The following ULK2 variants were observed in gnomAD, a reference collection of about 807,000 sequenced individuals.
ULK2 encodes serine/threonine-protein kinase ULK2.
ULK2 carries 76 observed loss-of-function variants against 127.5 expected under a neutral mutation model. The observed-to-expected ratio is 0.60, with a 90% CI of 0.50 to 0.72. The LOEUF is 0.72. ULK2 is among the 30% of genes least tolerant of loss of function. The pLI is 0.00. For missense variants in ULK2, 1,144 were observed against 1,295.9 expected (o/e 0.88, Z 1.80); for synonymous variants, 452 against 461.9 (o/e 0.98, Z 0.28).
intron 10 of ULK2, among the ~76,000 whole-genome samples, chr17:19,837,589 T>C (rs1295905133): frequency 2.6e-5 from 4 of 152,188 alleles, no homozygotes; most frequent in African/African-American, 7.2e-5. Context: ...CTTGTCCCCA[T>C]AGCCTGCTCT....
rs1165432917 is a variant in ULK2 at position 19,867,209 on chromosome 17, T to C, written c.90+119A>G. On this transcript the variant is annotated intron_variant, in intron 1 of 26. Coordinates refer to ENST00000395544, the MANE Select transcript of ULK2 (RefSeq NM_014683.4). ...ACGGCGAGACGGGCTGCGCGCACAATAGCATACCCGGGCGGCTAGCCGAGT... is the reference window on the plus strand; with the variant it reads ...ACGGCGAGACGGGCTGCGCGCACAACAGCATACCCGGGCGGCTAGCCGAGT... 2.2e-5 allele frequency: 16 copies of C among 722,014 alleles called. No homozygotes were observed. The Admixed American group carries it at 3.9e-4, about 17-fold the overall frequency. 44.7% of individuals were successfully genotyped at this position (722,014 alleles called of 1,614,324 possible). A position where few individuals can be genotyped will look rare whatever the true frequency, so the allele number is the denominator to read the frequency against.
intron 25 of ULK2, 48 bp downstream of exon 25, chr17:19,780,424 C>A (rs770968992): frequency 2.0e-5 from 29 of 1,478,772 alleles, no homozygotes; most frequent in Non-Finnish European, 2.6e-5. Context: ...TAAAAAGACA[C>A]TTAAAGATAA....
At chr17:19,795,493 G>C (rs166841) in intron 20 of ULK2, 129 bp downstream of exon 20, 1 of 789,598 alleles carries the variant, frequency 1.3e-6, no homozygotes, top group Non-Finnish European at 2.1e-6. Flanking sequence ...ATGGCATCCA[G>C]AACTATGAAA....
At position 19,780,459 on chromosome 17, in the gene ULK2, T is replaced by C. The variant is rs2086895316; in HGVS notation, c.2916+13A>G. On this transcript the variant is annotated intron_variant, in intron 25 of 26. Transcript: ENST00000395544. ...AGTAGTACTATACAATATTAAACCT[T>C]AGAAAGGGTTACCATTTCTACAGCA... 2 of 1,604,146 alleles carry C rather than the reference T, an allele frequency of 1.2e-6. No individual in the cohort carries two copies. Among genetic ancestry groups the C allele is most frequent in the Non-Finnish European group, 1.7e-6 (2 of 1,176,124 alleles).
chr17:19,812,935 A>G (rs2087675147), intron 13 of ULK2, among the ~76,000 whole-genome samples: 1 of 152,228 alleles, frequency 6.6e-6, no homozygotes, highest in South Asian at 2.1e-4. Flanking sequence ...CTGTACATTC[A>G]TACTTGGGAC....
intron 14 of ULK2, among the ~76,000 whole-genome samples, chr17:19,808,835 A>C (rs2087567459): frequency 6.6e-6 from 1 of 152,204 alleles, no homozygotes; most frequent in Non-Finnish European, 1.5e-5. Context: ...TGGACTGTAA[A>C]ATGGTATAAC....
chr17:19,856,589 A>AC (rs2042132889), intron 3 of ULK2, among the ~76,000 whole-genome samples: 5 of 147,812 alleles, frequency 3.4e-5, no homozygotes, highest in South Asian at 2.1e-4. Flanking sequence ...CACACACACA[A>AC]AAAAAAAAAA....
chr17:19,832,616 G>C (rs2041486987), intron 10 of ULK2, among the ~76,000 whole-genome samples: 1 of 152,052 alleles, frequency 6.6e-6, no homozygotes, highest in Non-Finnish European at 1.5e-5. Context: ...TATGGACAAA[G>C]GATGGTAACT....
At chr17:19,829,613 G>A (rs1005009586) in intron 10 of ULK2, among the ~76,000 whole-genome samples, 8 of 149,744 alleles carry the variant, frequency 5.3e-5, no homozygotes, top group African/African-American at 1.7e-4. Context: ...TGAGGAGGGT[G>A]GATCACAAGG....
rs1340578905 is a variant in ULK2 at position 19,774,629 on chromosome 17, T to C, written c.*1720A>G. The C allele has an allele frequency of 3.3e-5, 5 of 152,242 alleles. No homozygotes were observed. Among genetic ancestry groups the C allele is most frequent in the African/African-American group, 4.8e-5 (2 of 41,456 alleles). 9.4% of individuals were successfully genotyped at this position (152,242 alleles called of 1,614,324 possible). ...ATGTTCCTGGAAGCCTGCATGACAG[T>C]AGCCAAGATCTAAATCCTGGGGCAG... On this transcript the variant is annotated 3_prime_UTR_variant, in exon 27 of 27. Coordinates refer to ENST00000395544, the MANE Select transcript of ULK2 (RefSeq NM_014683.4).
intron 12 of ULK2, among the ~76,000 whole-genome samples, chr17:19,820,241 G>A (rs2041104979): frequency 6.6e-6 from 1 of 152,010 alleles, no homozygotes; most frequent in Admixed American, 6.6e-5. Context: ...TAGAAATAGG[G>A]TTTCACCATG....
intron 9 of ULK2, chr17:19,840,392 G>C (rs1219486798): frequency 5.8e-6 from 3 of 517,908 alleles, no homozygotes; most frequent in Non-Finnish European, 1.2e-5. Context: ...ACTCACTCTT[G>C]GGCGCTCTGT....
chr17:19,801,999 C>T (rs907298651), intron 15 of ULK2, 77 bp from the exon 16 acceptor site: 43 of 1,481,022 alleles, frequency 2.9e-5, no homozygotes, highest in Non-Finnish European at 3.7e-5. Context: ...AACTTCCTAA[C>T]AATATGCCAC....
intron 7 of ULK2, among the ~76,000 whole-genome samples, chr17:19,843,494 C>T (rs2041812313): frequency 6.6e-6 from 1 of 151,686 alleles, no homozygotes; most frequent in African/African-American, 2.4e-5. Flanking sequence ...ACATAAAGTA[C>T]AGTAAGAGGG....
chr17:19,797,223 G>A (rs540595906), intron 18 of ULK2, among the ~76,000 whole-genome samples, 173 bp downstream of exon 18: 73 of 151,802 alleles, frequency 4.8e-4, no homozygotes, highest in Non-Finnish European at 7.4e-5. Flanking sequence ...TTTGAACCTG[G>A]GAGGTGGAGG....
At chr17:19,840,864 G>A (rs1053289561) in intron 9 of ULK2, among the ~76,000 whole-genome samples, 2 of 152,014 alleles carry the variant, frequency 1.3e-5, no homozygotes, top group African/African-American at 4.8e-5. Flanking sequence ...ACTCCAGCCT[G>A]GGTGACAGAG....
intron 13 of ULK2, among the ~76,000 whole-genome samples, chr17:19,814,954 A>C (rs2040949121): frequency 6.6e-6 from 1 of 152,210 alleles, no homozygotes; most frequent in African/African-American, 2.4e-5. Flanking sequence ...ATTGGAATGA[A>C]TTTTGAATTT....
intron 3 of ULK2, among the ~76,000 whole-genome samples, chr17:19,858,446 T>C (rs2042176542): frequency 6.6e-6 from 1 of 152,124 alleles, no homozygotes; most frequent in Non-Finnish European, 1.5e-5. Flanking sequence ...TAATGTCATC[T>C]TCCCTAATAT....
intron 12 of ULK2, among the ~76,000 whole-genome samples, chr17:19,823,680 G>A (rs1225448438): frequency 6.6e-6 from 1 of 152,134 alleles, no homozygotes; most frequent in Non-Finnish European, 1.5e-5. Flanking sequence ...TCCAGATGAG[G>A]ACACCATGGC....
Sources: allele counts gnomAD v4.1 joint callset (sites outside exome capture counted in the v4.1 genomes callset), GRCh38; gene constraint gnomAD v4.1.1; transcripts MANE v1.5; gene names NCBI Gene and HGNC (gene_info 2026-07-23, HGNC 2026-07-21).